The following TAX1BP1 variants were observed in gnomAD, a reference collection of about 807,000 sequenced individuals.
TAX1BP1 encodes the protein tax1-binding protein 1.
A neutral mutation model predicts 97.7 loss-of-function variants in TAX1BP1; 62 were observed. The ratio of observed to expected loss-of-function variants is 0.63; its 90% CI spans 0.52 to 0.78. The LOEUF (loss-of-function observed/expected upper bound fraction) is 0.78. Among genes scored for constraint, TAX1BP1 ranks in the 30% least tolerant of loss-of-function variants. The pLI, the probability that TAX1BP1 is intolerant of heterozygous loss-of-function variation, is 0.00. For synonymous variants in TAX1BP1, 340 were observed against 304.2 expected (o/e 1.12, Z -1.23); for missense variants, 867 against 916.1 (o/e 0.95, Z 0.69).
At chr7:27,775,982 A>G (rs185741159) in intron 5 of TAX1BP1, among the ~76,000 whole-genome samples, 12 of 150,548 alleles carry the variant, frequency 8.0e-5, no homozygotes, top group African/African-American at 2.9e-4. Flanking sequence ...TGTCTCTCTC[A>G]GTCTGTCTGT....
intron 2 of TAX1BP1, among the ~76,000 whole-genome samples, chr7:27,754,736 C>A (rs754742433): frequency 2.1e-4 from 32 of 151,996 alleles, no homozygotes; most frequent in Non-Finnish European, 4.3e-4. Flanking sequence ...CCACGCCCGG[C>A]TAATTTTTTT....
intron 5 of TAX1BP1, among the ~76,000 whole-genome samples, chr7:27,780,633 C>A (rs1789216566): frequency 6.6e-6 from 1 of 152,078 alleles, no homozygotes; most frequent in African/African-American, 2.4e-5. Flanking sequence ...AATTTATGAT[C>A]TCATTGAATT....
intron 5 of TAX1BP1, among the ~76,000 whole-genome samples, chr7:27,780,802 A>G (rs1789224865): frequency 1.3e-5 from 2 of 152,144 alleles, no homozygotes; most frequent in Admixed American, 6.5e-5. Context: ...AATAGTTTTA[A>G]GAAACTCATA....
chr7:27,783,308 A>G (rs1469535391), intron 5 of TAX1BP1, among the ~76,000 whole-genome samples: 2 of 152,226 alleles, frequency 1.3e-5, no homozygotes, highest in Admixed American at 6.5e-5. Flanking sequence ...TGAAAGCATG[A>G]TTCCTAGTTG....
intron 2 of TAX1BP1, among the ~76,000 whole-genome samples, chr7:27,751,207 G>C (rs1562697605): frequency 6.6e-6 from 1 of 152,120 alleles, no homozygotes; most frequent in Non-Finnish European, 1.5e-5. Context: ...AAAATCTTCT[G>C]TTTAATACCC....
chr7:27,774,090 G>T (rs192347972), intron 5 of TAX1BP1, among the ~76,000 whole-genome samples: 3 of 152,198 alleles, frequency 2.0e-5, no homozygotes, highest in Non-Finnish European at 2.9e-5. Context: ...TGATTCTTAA[G>T]TTTCACAAAC....
intron 15 of TAX1BP1, among the ~76,000 whole-genome samples, chr7:27,818,224 A>G (rs1790852720): frequency 6.6e-6 from 1 of 152,186 alleles, no homozygotes; most frequent in African/African-American, 2.4e-5. Flanking sequence ...CTGCAAACCC[A>G]GGAGAAGCAG....
intron 5 of TAX1BP1, among the ~76,000 whole-genome samples, chr7:27,770,085 T>A (rs957346184): frequency 6.6e-6 from 1 of 152,110 alleles, no homozygotes; most frequent in Non-Finnish European, 1.5e-5. Context: ...TGACAACTAT[T>A]TCCAGATGTT....
intron 12 of TAX1BP1, among the ~76,000 whole-genome samples, chr7:27,796,732 G>T (rs369012586): frequency 6.0e-4 from 91 of 152,042 alleles, no homozygotes; most frequent in African/African-American, 2.1e-3. Flanking sequence ...CTGTGGTGGA[G>T]CATGCCTGTA....
At position 27,796,114 on chromosome 7, in the gene TAX1BP1, A is replaced by G; in HGVS notation, c.1535-2A>G. Reference sequence around the variant, plus strand: ...ACAGTCTTATATTCTGCCTTTCTACAGCAGAGGCAGATTTTGACATAGTAA... The same window carrying G: ...ACAGTCTTATATTCTGCCTTTCTACGGCAGAGGCAGATTTTGACATAGTAA... On this transcript the variant is annotated splice_acceptor_variant, in intron 11 of 16. Coordinates refer to ENST00000396319, the MANE Select transcript of TAX1BP1 (RefSeq NM_006024.7). LOFTEE classifies it high-confidence loss of function. 1.2e-6 allele frequency: 2 copies of G among 1,604,262 alleles called. No individual in the cohort carries two copies. Among genetic ancestry groups the G allele is most frequent in the Non-Finnish European group, 1.7e-6 (2 of 1,176,474 alleles).
At position 27,764,969 on chromosome 7, in the gene TAX1BP1, G is replaced by A. The variant is rs1468298544; in HGVS notation, c.266-865G>A. Among the ~76,000 whole-genome samples, 10 of 8,214 alleles carry A rather than the reference G, an allele frequency of 1.2e-3. No homozygotes were observed. The East Asian group carries it at 0.028, about 23-fold the overall frequency. 5.4% of individuals were successfully genotyped at this position (8,214 alleles called of 152,430 possible). Reference sequence around the variant, plus strand: ...GCTACTTTGCTTTAAAGCGCCACAAGAATTTCTCTTATCTTATAGATTGTC... The same window carrying A: ...GCTACTTTGCTTTAAAGCGCCACAAAAATTTCTCTTATCTTATAGATTGTC... On this transcript the variant is annotated intron_variant, in intron 3 of 16. Transcript: ENST00000396319.
In TAX1BP1 at chr7:27,793,200, T is replaced by G; in HGVS notation, c.1398T>G (p.Leu466=). 6.3e-7 allele frequency: 1 copy of G among 1,583,542 alleles called. No individual in the cohort carries two copies. Among genetic ancestry groups the G allele is most frequent in the Non-Finnish European group, 8.5e-7 (1 of 1,173,016 alleles). ...CQRLQKQINK[L]SDQSANNNNV... ...GGCTCCAAAAACAAATAAACAAACT[T>G]TCAGATCAATCAGTAAGTATCATTA... Residue 466 remains leucine (L), a synonymous_variant, in exon 10 of 17, where the codon CTT becomes CTG. Transcript: ENST00000396319.
chr7:27,782,631 T>C (rs1789306297), intron 5 of TAX1BP1, among the ~76,000 whole-genome samples: 2 of 152,194 alleles, frequency 1.3e-5, no homozygotes, highest in African/African-American at 4.8e-5. Flanking sequence ...CATAACTTGG[T>C]ATTATAGTTG....
At chr7:27,822,466 C>G (rs186570844) in intron 15 of TAX1BP1, among the ~76,000 whole-genome samples, 1 of 152,304 alleles carries the variant, frequency 6.6e-6, no homozygotes, top group East Asian at 1.9e-4. Context: ...TTGTTTTCCC[C>G]AGTGGCTGCA....
intron 2 of TAX1BP1, among the ~76,000 whole-genome samples, chr7:27,750,450 A>G (rs1420835967): frequency 6.6e-6 from 1 of 152,216 alleles, no homozygotes; most frequent in South Asian, 2.1e-4. Flanking sequence ...AGCATTTCGG[A>G]TAAGGGATAC....
chr7:27,828,888 C>T lies in TAX1BP1; in HGVS notation c.*59C>T. 2 of 1,212,442 alleles carry T rather than the reference C, an allele frequency of 1.6e-6. No homozygotes were observed. The highest frequency in any genetic ancestry group is 2.3e-6 in the Non-Finnish European group (2 of 856,190). 75.1% of individuals were successfully genotyped at this position (1,212,442 alleles called of 1,614,324 possible). Reference sequence around the variant, plus strand: ...GTAAAAAAAAAAAAAAAAACCACACCTAAAATAGACCACTGAGGAGACCAT... The same window carrying T: ...GTAAAAAAAAAAAAAAAAACCACACTTAAAATAGACCACTGAGGAGACCAT... On this transcript the variant is annotated 3_prime_UTR_variant, in exon 17 of 17. Transcript: ENST00000396319.
At chr7:27,789,569 A>T (rs1293892528) in intron 8 of TAX1BP1, among the ~76,000 whole-genome samples, 1 of 151,942 alleles carries the variant, frequency 6.6e-6, no homozygotes, top group Non-Finnish European at 1.5e-5. Flanking sequence ...GCTACTATAC[A>T]TACCATTTTG....
intron 13 of TAX1BP1, among the ~76,000 whole-genome samples, chr7:27,814,346 G>C (rs1366447617): frequency 1.3e-5 from 2 of 151,908 alleles, no homozygotes; most frequent in Non-Finnish European, 2.9e-5. Context: ...TTACATATGG[G>C]CTATTACAGG....
chr7:27,793,285 T>C, intron 10 of TAX1BP1, 73 bp downstream of exon 10: 1 of 1,283,400 alleles, frequency 7.8e-7, no homozygotes, highest in Non-Finnish European at 1.1e-6. Context: ...ATTTGTAATA[T>C]TCCAAATATC....
Sources: gnomAD v4.1 joint callset for allele counts (sites outside exome capture counted in the v4.1 genomes callset) on GRCh38, gnomAD v4.1.1 for gene constraint, MANE v1.5 for transcripts, NCBI Gene and HGNC (gene_info 2026-07-23, HGNC 2026-07-21) for gene names.